TLK1: variants seen among roughly 807,000 people sequenced by gnomAD.
TLK1 encodes serine/threonine-protein kinase tousled-like 1.
A neutral mutation model predicts 105.3 loss-of-function variants in TLK1; 24 were observed. That is an observed-to-expected ratio of 0.23 (90% confidence interval 0.17 to 0.32). The LOEUF (loss-of-function observed/expected upper bound fraction) is 0.32. Ranked by LOEUF, TLK1 falls within the 10% of genes least tolerant of loss-of-function variation. The probability of loss-of-function intolerance (pLI) is 1.00; values close to 1 mark genes in which losing one functional copy is unlikely to be tolerated. For synonymous variants in TLK1, 321 were observed against 310.4 expected (o/e 1.03, Z -0.36); for missense variants, 558 against 910.5 (o/e 0.61, Z 4.98).
intron 8 of TLK1, among the ~76,000 whole-genome samples, chr2:171,053,547 G>C: frequency 6.6e-6 from 1 of 152,058 alleles, no homozygotes; most frequent in East Asian, 1.9e-4. Context: ...ATTTTTAGTA[G>C]AAACGGGGTT....
intron 3 of TLK1, among the ~76,000 whole-genome samples, chr2:171,075,677 T>A (rs907076153): frequency 6.6e-6 from 1 of 152,110 alleles, no homozygotes; most frequent in African/African-American, 2.4e-5. Flanking sequence ...GTCACAAATA[T>A]CCCAACTTCA....
chr2:171,056,697 CAAA>C (rs3083754), intron 5 of TLK1, 131 bp from the exon 6 acceptor site: 529 of 420,658 alleles, frequency 1.3e-3, no homozygotes, highest in South Asian at 2.4e-3. Context: ...GGGTCCAGAA[CAAA>C]AAAAAAAAAC....
chr2:171,086,364 G>A (rs187080965), intron 2 of TLK1, among the ~76,000 whole-genome samples: 28 of 152,234 alleles, frequency 1.8e-4, no homozygotes, highest in Admixed American at 6.5e-4. Flanking sequence ...AGTGGCTCGC[G>A]CCTGTAATCC....
chr2:171,050,764 CTTCT>C lies in TLK1; in HGVS notation c.733-594_733-591del, dbSNP rs1687200508. ...GCCATATGCTCAGAGAAGAGGCTTC[CTTCT>C]AACATCAAAAGATGAGTCTGATTAG... On this transcript the variant is annotated intron_variant, in intron 8 of 20. Transcript: ENST00000431350. 2.6e-5 allele frequency among the ~76,000 whole-genome samples: 4 copies of C among 152,166 alleles called. No homozygotes were observed. In the South Asian group the frequency reaches 6.2e-4, roughly 24 times the overall value.
rs1162344162 is a variant in TLK1 at position 170,991,138 on chromosome 2, A to G, written c.*2642T>C. On this transcript the variant is annotated 3_prime_UTR_variant, in exon 21 of 21. Coordinates refer to ENST00000431350, the MANE Select transcript of TLK1 (RefSeq NM_012290.5). ...ACACACTAAAGCAAATTCAAATCAAAGAAAGATTTTAAAATCATATGCAAA... is the reference window on the plus strand; with the variant it reads ...ACACACTAAAGCAAATTCAAATCAAGGAAAGATTTTAAAATCATATGCAAA... The G allele has an allele frequency of 6.6e-6, 1 of 152,222 alleles. No homozygotes were observed. Among genetic ancestry groups the G allele is most frequent in the East Asian group, 1.9e-4 (1 of 5,206 alleles). 9.4% of individuals were successfully genotyped at this position (152,222 alleles called of 1,614,324 possible).
chr2:171,230,042 T>G (rs532136804), intron 1 of TLK1, among the ~76,000 whole-genome samples: 1 of 152,188 alleles, frequency 6.6e-6, no homozygotes, highest in African/African-American at 2.4e-5. Context: ...AAAAAAAGAC[T>G]AATAAAAAGT....
Position 171,209,011 on chromosome 2 carries a change from A to G in TLK1, c.-6+22134T>C, listed in dbSNP as rs975331971. On this transcript the variant is annotated intron_variant, in intron 1 of 20. Transcript: ENST00000521943. ...ATAGAAGACACTGGTTAAGTAAACC[A>G]TGGTTCAGCTACACAATTGTATATT... Among the ~76,000 whole-genome samples the G allele has an allele frequency of 3.9e-5, 6 of 152,236 alleles. No individual in the cohort carries two copies. The East Asian group carries it at 7.7e-4, about 20-fold the overall frequency.
intron 12 of TLK1, among the ~76,000 whole-genome samples, chr2:171,016,349 G>A (rs1441759986): frequency 6.6e-6 from 1 of 152,122 alleles, no homozygotes; most frequent in African/African-American, 2.4e-5. Context: ...GCCCAGGCTA[G>A]TCCTGAACTC....
rs575399582 is a variant in TLK1 at position 171,180,156 on chromosome 2, C to G, written c.-6+50989G>C. Among the ~76,000 whole-genome samples, 6 of 150,272 alleles carry G rather than the reference C, an allele frequency of 4.0e-5. 1 individual carries two copies. In the South Asian group the frequency reaches 1.3e-3, roughly 32 times the overall value. ...GGGTGGACGTCTATAATCCCAGCTA[C>G]TCGGGGCCACTGCACTCTGGCTCTG... is the stretch of plus-strand genomic sequence containing the variant. On this transcript the variant is annotated intron_variant, in intron 1 of 20. Transcript: ENST00000521943.
intron 3 of TLK1, chr2:171,081,536 T>C (rs1688753736): frequency 4.8e-6 from 3 of 623,544 alleles, no homozygotes; most frequent in East Asian, 7.6e-5. Flanking sequence ...TTAAAAAACT[T>C]TGACTAGAGC....
At chr2:171,058,285 T>A (rs1687595150) in intron 4 of TLK1, 88 bp from the exon 5 acceptor site, 1 of 1,187,702 alleles carries the variant, frequency 8.4e-7, no homozygotes, top group South Asian at 1.3e-5. Flanking sequence ...GCTATCAATT[T>A]CACAAATATG....
intron 11 of TLK1, among the ~76,000 whole-genome samples, chr2:171,037,920 A>G (rs1686451992): frequency 6.6e-6 from 1 of 152,162 alleles, no homozygotes; most frequent in South Asian, 2.1e-4. Flanking sequence ...AAAGTTTGTA[A>G]AAGACTGGCA....
intron 11 of TLK1, among the ~76,000 whole-genome samples, chr2:171,029,328 T>C (rs1685928541): frequency 6.6e-6 from 1 of 152,198 alleles, no homozygotes; most frequent in Non-Finnish European, 1.5e-5. Context: ...GCTAAAACTT[T>C]AGTCAAAGTA....
At chr2:171,096,068 G>A (rs1448350337) in intron 2 of TLK1, among the ~76,000 whole-genome samples, 1 of 152,112 alleles carries the variant, frequency 6.6e-6, no homozygotes, top group African/African-American at 2.4e-5. Context: ...ATCCATGTCA[G>A]AAAAGAATAA....
chr2:171,028,301 G>C (rs1197217011), intron 12 of TLK1, 38 bp downstream of exon 12: 1 of 1,431,964 alleles, frequency 7.0e-7, no homozygotes, highest in African/African-American at 1.4e-5. Context: ...AATTCTGGTA[G>C]CAAATTGAAC....
At chr2:171,052,650 A>T (rs930961646) in intron 8 of TLK1, among the ~76,000 whole-genome samples, 3 of 152,222 alleles carry the variant, frequency 2.0e-5, no homozygotes, top group Non-Finnish European at 4.4e-5. Flanking sequence ...AAACCAACTG[A>T]AATAATATGT....
chr2:171,168,378 A>T (rs553972871), intron 1 of TLK1, among the ~76,000 whole-genome samples: 11 of 152,266 alleles, frequency 7.2e-5, no homozygotes, highest in African/African-American at 2.2e-4. Context: ...CAAAAAAAAT[A>T]AAAAAATAAA....
intron 1 of TLK1, among the ~76,000 whole-genome samples, chr2:171,138,126 G>C (rs1319652344): frequency 1.3e-5 from 2 of 152,160 alleles, no homozygotes; most frequent in Non-Finnish European, 2.9e-5. Context: ...CAAGGGGGTA[G>C]AGATAGGGGT....
chr2:171,097,840 G>A (rs1049218857), intron 2 of TLK1, among the ~76,000 whole-genome samples: 7 of 152,080 alleles, frequency 4.6e-5, no homozygotes, highest in South Asian at 2.1e-4. Context: ...CAGGAGAATC[G>A]CTTAAACCTG....
Sources: gnomAD v4.1 joint callset for allele counts (sites outside exome capture counted in the v4.1 genomes callset) on GRCh38, gnomAD v4.1.1 for gene constraint, MANE v1.5 for transcripts, NCBI Gene and HGNC (gene_info 2026-07-23, HGNC 2026-07-21) for gene names.